The following SYMPK variants were observed in gnomAD, a reference collection of about 807,000 sequenced individuals.
SYMPK encodes the protein symplekin scaffold protein, also known as symplekin.
SYMPK carries 49 observed loss-of-function variants against 136.4 expected under a neutral mutation model. That is an observed-to-expected ratio of 0.36 (90% confidence interval 0.29 to 0.46). SYMPK has a LOEUF of 0.46. SYMPK is among the 20% of genes least tolerant of loss of function. The pLI, the probability that SYMPK is intolerant of heterozygous loss-of-function variation, is 1.00. For missense variants in SYMPK, 1,365 were observed against 1,690.0 expected (o/e 0.81, Z 3.37); for synonymous variants, 766 against 713.0 (o/e 1.07, Z -1.19).
Position 45,842,674 on chromosome 19 carries a change from A to C in SYMPK, c.848-185T>G, listed in dbSNP as rs1011773379. On this transcript the variant is annotated intron_variant, in intron 8 of 26. Coordinates refer to ENST00000245934, the MANE Select transcript of SYMPK (RefSeq NM_004819.3). ...GATGCTTCAAACCCTGGGGGTCTCC[A>C]TCAGTATCAGTCAATCTTAAAGAGA... 5.8e-6 allele frequency: 4 copies of C among 686,300 alleles called. No homozygotes were observed. The Admixed American group carries it at 1.2e-4, about 21-fold the overall frequency. The allele number at this position is 686,300 out of a possible 1,614,324, so 42.5% of individuals were successfully genotyped here. A position where few individuals can be genotyped will look rare whatever the true frequency, so the allele number is the denominator to read the frequency against.
chr19:45,860,598 A>G (rs1971942881), intron 1 of SYMPK, among the ~76,000 whole-genome samples: 2 of 152,186 alleles, frequency 1.3e-5, no homozygotes, highest in African/African-American at 4.8e-5. Flanking sequence ...CAAGGTTTAA[A>G]TGAATTAATA....
At chr19:45,849,710 G>A (rs1253248257) in intron 5 of SYMPK, among the ~76,000 whole-genome samples, 1 of 152,178 alleles carries the variant, frequency 6.6e-6, no homozygotes, top group African/African-American at 2.4e-5. Flanking sequence ...AGTAAATGGG[G>A]AGATAGGATA....
intron 24 of SYMPK, 27 bp downstream of exon 24, chr19:45,816,771 A>G (rs1440461449): frequency 7.3e-6 from 11 of 1,503,740 alleles, no homozygotes; most frequent in African/African-American, 1.4e-5. Flanking sequence ...GTGGGGGGAA[A>G]GGGTACCTGG....
At chr19:45,833,072 G>T (rs186693991) in intron 11 of SYMPK, among the ~76,000 whole-genome samples, 2 of 151,252 alleles carry the variant, frequency 1.3e-5, no homozygotes, top group South Asian at 2.1e-4. Context: ...TGGTGGCAGC[G>T]GGTGCCTGTA....
chr19:45,852,739 G>C lies in SYMPK; in HGVS notation c.172-204C>G, dbSNP rs545089002. Among the ~76,000 whole-genome samples, 25 of 152,200 alleles carry C rather than the reference G, an allele frequency of 1.6e-4. No homozygotes were observed. In the South Asian group the frequency reaches 4.4e-3, roughly 27 times the overall value. ...CTCAGTTTGCTCTTCTATAAAATGA[G>C]ACTCTTAAACATCAACTCAAAAGGG... On this transcript the variant is annotated intron_variant, in intron 3 of 26. Transcript: ENST00000245934.
chr19:45,831,689 C>G, intron 11 of SYMPK, 101 bp from the exon 12 acceptor site: 1 of 977,640 alleles, frequency 1.0e-6, no homozygotes, highest in South Asian at 2.0e-5. Flanking sequence ...CCTGTACACA[C>G]AAAACCTCGT....
Position 45,858,673 on chromosome 19 carries a change from G to A in SYMPK, c.-12-4166C>T, listed in dbSNP as rs191429927. 1.1e-4 allele frequency among the ~76,000 whole-genome samples: 16 copies of A among 152,140 alleles called. No individual in the cohort carries two copies. In the East Asian group the frequency reaches 2.9e-3, roughly 28 times the overall value. ...TGGGATTACAGGCATGTGCCACCAC[G>A]CCTGGCTAATTTTGTATTTTTAGTA... On this transcript the variant is annotated intron_variant, in intron 1 of 26. Coordinates refer to ENST00000245934, the MANE Select transcript of SYMPK (RefSeq NM_004819.3).
intron 7 of SYMPK, among the ~76,000 whole-genome samples, chr19:45,847,402 C>T (rs1189418684): frequency 1.1e-4 from 16 of 148,240 alleles, no homozygotes; most frequent in African/African-American, 1.7e-4. Flanking sequence ...CCAGCCTGGG[C>T]GACAGAGGAA....
rs1568604671 is a variant in SYMPK, at chr19:45,816,076, C to T, written c.3462G>A (p.Glu1154=). 8.3e-6 allele frequency: 13 copies of T among 1,559,002 alleles called. No individual in the cohort carries two copies. The highest frequency in any genetic ancestry group is 1.0e-5 in the Non-Finnish European group (12 of 1,151,636). ...CTCCCGGCTTCAGCTTCTGTTCCTC[C>T]TCCAGCTGCCGCTTTAAGGCCTTCT... ...AQEKALKRQL[E]EEQKLKPGGV... The change falls in exon 26 of 27, where the codon GAG becomes GAA. Residue 1154 remains glutamate (E), a synonymous_variant. Coordinates refer to ENST00000245934, the MANE Select transcript of SYMPK (RefSeq NM_004819.3).
chr19:45,817,104 A>C, intron 23 of SYMPK, 130 bp from the exon 24 acceptor site: 1 of 961,640 alleles, frequency 1.0e-6, no homozygotes, highest in Non-Finnish European at 1.5e-6. Context: ...GATGGGCAAC[A>C]AGCAGCCCCG....
intron 15 of SYMPK, 88 bp from the exon 16 acceptor site, chr19:45,827,711 T>C: frequency 6.7e-7 from 1 of 1,495,444 alleles, no homozygotes. Context: ...ATCAGGTACC[T>C]GGACAAAAGG....
Position 45,822,848 on chromosome 19 carries a change from T to C in SYMPK, c.2701-2A>G, listed in dbSNP as rs374626609. On this transcript the variant is annotated splice_acceptor_variant, in intron 20 of 26. Coordinates refer to ENST00000245934, the MANE Select transcript of SYMPK (RefSeq NM_004819.3). LOFTEE classifies it high-confidence loss of function. ...AGGCAGGGCCTGGATCACCTCTTTC[T>C]ACAGGGAGAAGGTGGTGGGGGTGGG... 6.2e-7 allele frequency: 1 copy of C among 1,611,850 alleles called. No individual in the cohort carries two copies. The highest frequency in any genetic ancestry group is 8.5e-7 in the Non-Finnish European group (1 of 1,178,034).
rs942729808 is a variant in SYMPK, at chr19:45,818,193, C to T, written c.2894-47G>A. On this transcript the variant is annotated intron_variant, in intron 22 of 26. Transcript: ENST00000245934. ...GCCTGTCCTCTCTGCCCAGCTGCCC[C>T]CTGGGAGGTGGGAGTCCCGGCCTCT... The T allele has an allele frequency of 3.4e-6, 5 of 1,479,218 alleles. No homozygotes were observed. The Middle Eastern group carries it at 5.5e-4, about 162-fold the overall frequency. 91.6% of individuals were successfully genotyped at this position (1,479,218 alleles called of 1,614,324 possible). A position where few individuals can be genotyped will look rare whatever the true frequency, so the allele number is the denominator to read the frequency against.
intron 3 of SYMPK, 55 bp from the exon 4 acceptor site, chr19:45,852,590 A>G (rs1191710594): frequency 2.5e-6 from 4 of 1,599,436 alleles, no homozygotes; most frequent in East Asian, 4.5e-5. Flanking sequence ...CGAGGGGCCA[A>G]TCAATGCAGA....
chr19:45,844,205 G>T lies in SYMPK; in HGVS notation c.677-5C>A. On this transcript the variant is annotated splice_polypyrimidine_tract_variant and splice_region_variant and intron_variant, in intron 7 of 26. Coordinates refer to ENST00000245934, the MANE Select transcript of SYMPK (RefSeq NM_004819.3). ...TGCCCTCTTCCCATAGCACGTCTAAGAGACAGAGAGGAGAACCAGTCAGTG... is the reference window on the plus strand; with the variant it reads ...TGCCCTCTTCCCATAGCACGTCTAATAGACAGAGAGGAGAACCAGTCAGTG... 6.3e-7 allele frequency: 1 copy of T among 1,577,380 alleles called. No individual in the cohort carries two copies. Among genetic ancestry groups the T allele is most frequent in the Non-Finnish European group, 8.6e-7 (1 of 1,161,592 alleles).
intron 10 of SYMPK, among the ~76,000 whole-genome samples, chr19:45,836,395 C>T (rs991241465): frequency 1.3e-5 from 2 of 152,114 alleles, no homozygotes; most frequent in East Asian, 3.9e-4. Flanking sequence ...CTTTGGGAGG[C>T]TGAGGTGGGC....
intron 5 of SYMPK, among the ~76,000 whole-genome samples, chr19:45,849,278 C>G (rs1258863159): frequency 6.6e-6 from 1 of 152,152 alleles, no homozygotes; most frequent in African/African-American, 2.4e-5. Flanking sequence ...TCAGTAAACA[C>G]CAAAAAGCAT....
At position 45,826,234 on chromosome 19, in the gene SYMPK, T is replaced by C. The variant is rs750484955; in HGVS notation, c.2321A>G (p.Lys774Arg). 3.7e-6 allele frequency: 6 copies of C among 1,611,950 alleles called. No homozygotes were observed. Among genetic ancestry groups the C allele is most frequent in the South Asian group, 3.3e-5 (3 of 90,590 alleles). Residue 774 changes from lysine to arginine, a missense_variant, in exon 17 of 27, where the codon AAG becomes AGG. By Grantham distance (26) the Lys-to-Arg change is conservative. Around this residue, in one of 11 missense-constraint regions of SYMPK, gnomAD observed 92 missense variants for 198.6 expected, o/e 0.46. Transcript: ENST00000245934. ...GATGACCTGTGCCCAACCTGTGTCC[T>C]TGTCAGCTCCAAACAGCACAGACGG... Reference protein sequence around the residue: ...NPPSVLFGADKDTEVAAPWTE... With the variant: ...NPPSVLFGADRDTEVAAPWTE...
At chr19:45,847,118 G>A (rs935264403) in intron 7 of SYMPK, among the ~76,000 whole-genome samples, 4 of 151,850 alleles carry the variant, frequency 2.6e-5, no homozygotes, top group Non-Finnish European at 4.4e-5. Context: ...ATAATTTGCA[G>A]TTAAGAAAAC....
Sources: gnomAD v4.1 joint callset for allele counts (sites outside exome capture counted in the v4.1 genomes callset) on GRCh38, gnomAD v4.1.1 for gene constraint, gnomAD v4.1.1 regional missense constraint, MANE v1.5 for transcripts, NCBI Gene and HGNC (gene_info 2026-07-23, HGNC 2026-07-21) for gene names.